FHIT: variants seen among roughly 807,000 people sequenced by gnomAD.
FHIT encodes the protein bis(5'-adenosyl)-triphosphatase.
Under a neutral mutation model 17.9 loss-of-function variants are expected in FHIT, and 19 were observed. The observed-to-expected ratio is 1.06, with a 90% CI of 0.74 to 1.56. The LOEUF is 1.56. Among genes scored for constraint, FHIT ranks in the 40% most tolerant of loss-of-function variants. The pLI is 0.00. For synonymous variants in FHIT, 81 were observed against 69.7 expected (o/e 1.16, Z -0.81); for missense variants, 248 against 189.2 (o/e 1.31, Z -1.82).
intron 2 of FHIT, among the ~76,000 whole-genome samples, chr3:61,134,718 A>G (rs933945599): frequency 3.3e-5 from 5 of 152,118 alleles, no homozygotes; most frequent in Admixed American, 2.0e-4. Context: ...AATAGGGTGT[A>G]AAAAGGGAAG....
At chr3:61,195,314 G>T (rs2038825137) in intron 2 of FHIT, among the ~76,000 whole-genome samples, 1 of 151,926 alleles carries the variant, frequency 6.6e-6, no homozygotes, top group South Asian at 2.1e-4. Context: ...AATTATTACT[G>T]AATCACCCAC....
intron 8 of FHIT, among the ~76,000 whole-genome samples, chr3:59,871,834 C>T (rs905594197): frequency 4.6e-5 from 7 of 152,172 alleles, no homozygotes; most frequent in Non-Finnish European, 1.0e-4. Context: ...AAGAGGTAAC[C>T]TCCCAGAACA....
intron 5 of FHIT, among the ~76,000 whole-genome samples, chr3:60,140,167 A>G (rs1388835354): frequency 6.6e-6 from 1 of 152,150 alleles, no homozygotes; most frequent in Non-Finnish European, 1.5e-5. Flanking sequence ...TGATAATTGT[A>G]AGAATATATT....
intron 5 of FHIT, among the ~76,000 whole-genome samples, chr3:60,529,005 AG>A (rs1251604195): frequency 1.3e-5 from 2 of 152,222 alleles, no homozygotes. Context: ...GGCAGATACA[AG>A]CTAAACCAAG....
At chr3:60,913,153 C>A (rs1030300093) in intron 3 of FHIT, among the ~76,000 whole-genome samples, 21 of 152,186 alleles carry the variant, frequency 1.4e-4, no homozygotes, top group African/African-American at 5.1e-4. Flanking sequence ...CTGAGGAAAG[C>A]TAGACTTGAA....
chr3:60,142,184 A>T (rs1700063901), intron 5 of FHIT, among the ~76,000 whole-genome samples: 1 of 152,182 alleles, frequency 6.6e-6, no homozygotes, highest in Non-Finnish European at 1.5e-5. Flanking sequence ...ATCAGCTCAA[A>T]TCATGACTCT....
chr3:60,411,716 T>A (rs958930819), intron 5 of FHIT, among the ~76,000 whole-genome samples: 12 of 152,068 alleles, frequency 7.9e-5, no homozygotes, highest in Non-Finnish European at 4.4e-5. Context: ...AGATGGTTGT[T>A]AACAAAAAAG....
At chr3:60,394,194 G>A (rs1172563152) in intron 5 of FHIT, among the ~76,000 whole-genome samples, 1 of 152,120 alleles carries the variant, frequency 6.6e-6, no homozygotes, top group Non-Finnish European at 1.5e-5. Context: ...AAAAACTTCA[G>A]AAAATTCATT....
At chr3:61,042,964 A>AT (rs1322655784) in intron 2 of FHIT, among the ~76,000 whole-genome samples, 3 of 152,056 alleles carry the variant, frequency 2.0e-5, no homozygotes, top group South Asian at 4.1e-4. Context: ...AACATACAAA[A>AT]TTTTTTTTAG....
At chr3:61,124,735 G>C (rs895989595) in intron 2 of FHIT, among the ~76,000 whole-genome samples, 4 of 152,096 alleles carry the variant, frequency 2.6e-5, no homozygotes, top group Non-Finnish European at 5.9e-5. Flanking sequence ...TTAAGTACTA[G>C]AAATGGAAAT....
At chr3:60,765,354 C>T in intron 4 of FHIT, among the ~76,000 whole-genome samples, 1 of 152,094 alleles carries the variant, frequency 6.6e-6, no homozygotes, top group Non-Finnish European at 1.5e-5. Context: ...CATAGATGTT[C>T]AAAATGTGAA....
At chr3:60,715,342 T>G (rs1553706448) in intron 4 of FHIT, among the ~76,000 whole-genome samples, 2 of 152,078 alleles carry the variant, frequency 1.3e-5, no homozygotes, top group Non-Finnish European at 2.9e-5. Context: ...GAGGCACTAT[T>G]CGCAATAGCA....
intron 5 of FHIT, among the ~76,000 whole-genome samples, chr3:60,361,750 C>T (rs1222244916): frequency 6.6e-6 from 1 of 152,090 alleles, no homozygotes; most frequent in East Asian, 1.9e-4. Context: ...GAACTTAGAC[C>T]ATTTGAAATA....
chr3:60,513,430 T>C (rs1198966978), intron 5 of FHIT, among the ~76,000 whole-genome samples: 1 of 152,232 alleles, frequency 6.6e-6, no homozygotes, highest in Non-Finnish European at 1.5e-5. Flanking sequence ...CTCAAAACTT[T>C]ATTGGCAGAA....
chr3:60,014,753 C>T (rs1414567265), intron 5 of FHIT, among the ~76,000 whole-genome samples: 1 of 152,024 alleles, frequency 6.6e-6, no homozygotes, highest in Admixed American at 6.5e-5. Context: ...ACAAGAGTTC[C>T]TCAGACTAAT....
At chr3:60,764,959 C>T (rs782258790) in intron 4 of FHIT, among the ~76,000 whole-genome samples, 49 of 152,106 alleles carry the variant, frequency 3.2e-4, no homozygotes, top group Non-Finnish European at 6.3e-4. Context: ...TCCTAAGCTA[C>T]GCAAGCCATC....
intron 4 of FHIT, among the ~76,000 whole-genome samples, chr3:60,561,331 C>G (rs1448318631): frequency 1.3e-5 from 2 of 152,064 alleles, no homozygotes; most frequent in Non-Finnish European, 2.9e-5. Flanking sequence ...ACCTGGACCC[C>G]AAGACACACT....
intron 8 of FHIT, among the ~76,000 whole-genome samples, chr3:59,852,948 T>A (rs532019484): frequency 6.0e-4 from 92 of 152,314 alleles, no homozygotes; most frequent in Admixed American, 3.7e-3. Context: ...CTTGGTGGCT[T>A]CCATGTTTTG....
intron 5 of FHIT, among the ~76,000 whole-genome samples, chr3:60,221,909 T>A (rs1703979085): frequency 6.6e-6 from 1 of 152,168 alleles, no homozygotes; most frequent in South Asian, 2.1e-4. Context: ...TAGTTGTTTT[T>A]TCAGCATGAT....
Sources: allele counts gnomAD v4.1 joint callset (sites outside exome capture counted in the v4.1 genomes callset), GRCh38; gene constraint gnomAD v4.1.1; transcripts MANE v1.5; gene names NCBI Gene and HGNC (gene_info 2026-07-23, HGNC 2026-07-21).